CHST11: variants seen among roughly 807,000 people sequenced by gnomAD.
CHST11 encodes carbohydrate sulfotransferase 11.
In CHST11, 9 loss-of-function variants were observed where a neutral mutation model predicts 30.4. The ratio of observed to expected loss-of-function variants is 0.30; its 90% CI spans 0.18 to 0.52. The LOEUF is 0.52. Among genes scored for constraint, CHST11 ranks in the 20% least tolerant of loss-of-function variants. CHST11 has a pLI of 0.97. For synonymous variants in CHST11, 152 were observed against 187.8 expected (o/e 0.81, Z 1.56); for missense variants, 348 against 460.6 (o/e 0.76, Z 2.24).
rs139708541 is a variant in CHST11 at position 104,611,309 on chromosome 12, C to T, written c.204+9318C>T. On this transcript the variant is annotated intron_variant, in intron 2 of 2. Coordinates refer to ENST00000303694, the MANE Select transcript of CHST11 (RefSeq NM_018413.6). The stretch of plus-strand genomic sequence containing the variant: ...TGATGTGTATTTGATACCTACAGCA[C>T]ATCTCCATTGGGACAGGCAGTACAT... 7.9e-3 allele frequency among the ~76,000 whole-genome samples: 1,204 copies of T among 152,302 alleles called. 23 individuals carry two copies. Among genetic ancestry groups the T allele is most frequent in the African/African-American group, 0.027 (1,125 of 41,558 alleles).
At chr12:104,603,002 G>A (rs2038971672) in intron 2 of CHST11, among the ~76,000 whole-genome samples, 1 of 152,136 alleles carries the variant, frequency 6.6e-6, no homozygotes, top group Admixed American at 6.5e-5. Flanking sequence ...ATCATGGGTG[G>A]CCTAATTAGG....
At chr12:104,554,216 G>T (rs943024530) in intron 1 of CHST11, among the ~76,000 whole-genome samples, 1 of 152,158 alleles carries the variant, frequency 6.6e-6, no homozygotes, top group Non-Finnish European at 1.5e-5. Flanking sequence ...CATTACACAG[G>T]CTGTGAATAC....
chr12:104,682,988 C>T lies in CHST11; in HGVS notation c.205-73961C>T, dbSNP rs1055500345. ...TAGGGGTAAACTGTACTTATCTTCA[C>T]GGGAGTGTTATGCATTCAAAGACAA... On this transcript the variant is annotated intron_variant, in intron 2 of 2. Coordinates refer to ENST00000303694, the MANE Select transcript of CHST11 (RefSeq NM_018413.6). 3.3e-5 allele frequency among the ~76,000 whole-genome samples: 5 copies of T among 152,150 alleles called. No homozygotes were observed. The East Asian group carries it at 7.7e-4, about 23-fold the overall frequency.
chr12:104,484,318 A>G (rs944616469), intron 1 of CHST11, among the ~76,000 whole-genome samples: 2 of 152,192 alleles, frequency 1.3e-5, no homozygotes, highest in Non-Finnish European at 2.9e-5. Context: ...TCACATTAAC[A>G]TACTCAGTGC....
intron 1 of CHST11, among the ~76,000 whole-genome samples, chr12:104,525,702 A>G (rs931811485): frequency 2.0e-5 from 3 of 152,204 alleles, no homozygotes; most frequent in African/African-American, 7.2e-5. Flanking sequence ...GATTATTTTT[A>G]AGGGCAAAGA....
intron 1 of CHST11, among the ~76,000 whole-genome samples, chr12:104,524,154 C>T (rs2038101295): frequency 6.6e-6 from 1 of 151,742 alleles, no homozygotes; most frequent in Non-Finnish European, 1.5e-5. Flanking sequence ...TGTTGCTTCC[C>T]ACCACAGTGA....
intron 1 of CHST11, among the ~76,000 whole-genome samples, chr12:104,569,257 A>C (rs1438013694): frequency 6.6e-6 from 1 of 152,224 alleles, no homozygotes; most frequent in Non-Finnish European, 1.5e-5. Context: ...CTAGGAATAG[A>C]GAACCCTCCT....
intron 1 of CHST11, among the ~76,000 whole-genome samples, chr12:104,526,554 G>C (rs1231370519): frequency 1.3e-5 from 2 of 152,186 alleles, no homozygotes; most frequent in South Asian, 4.1e-4. Flanking sequence ...TGGGCTTCCT[G>C]CTGGGGCTTT....
At chr12:104,462,329 T>C (rs764897654) in intron 1 of CHST11, among the ~76,000 whole-genome samples, 61 of 151,302 alleles carry the variant, frequency 4.0e-4, no homozygotes, top group South Asian at 8.3e-4. Flanking sequence ...TTCTCAACTA[T>C]GCAAAATGCA....
chr12:104,547,695 A>C (rs886299048), intron 1 of CHST11, among the ~76,000 whole-genome samples: 1 of 152,214 alleles, frequency 6.6e-6, no homozygotes, highest in Non-Finnish European at 1.5e-5. Context: ...TTGGGTTTAT[A>C]TTCTGGCTAC....
intron 1 of CHST11, among the ~76,000 whole-genome samples, chr12:104,457,807 TC>T (rs1254024412): frequency 1.1e-4 from 16 of 144,844 alleles, no homozygotes; most frequent in South Asian, 2.3e-4. Flanking sequence ...TTTTTTTTCT[TC>T]TTCTTTTTTT....
chr12:104,571,497 G>A (rs1038177737), intron 1 of CHST11, among the ~76,000 whole-genome samples: 6 of 152,198 alleles, frequency 3.9e-5, no homozygotes, highest in Non-Finnish European at 7.3e-5. Context: ...TTGACTGAAC[G>A]CCTCCAGCGT....
chr12:104,709,041 C>T (rs890884332), intron 2 of CHST11, among the ~76,000 whole-genome samples: 16 of 152,098 alleles, frequency 1.1e-4, no homozygotes, highest in African/African-American at 3.4e-4. Flanking sequence ...ATAGGGCACC[C>T]GGGATGAGGA....
At chr12:104,607,156 C>T (rs896326847) in intron 2 of CHST11, among the ~76,000 whole-genome samples, 2 of 152,086 alleles carry the variant, frequency 1.3e-5, no homozygotes, top group African/African-American at 2.4e-5. Flanking sequence ...GAAGGACAGG[C>T]CTTTGACTCC....
chr12:104,537,598 G>A (rs2038248929), intron 1 of CHST11, among the ~76,000 whole-genome samples: 1 of 151,396 alleles, frequency 6.6e-6, no homozygotes. Context: ...CCCTTTTAAT[G>A]TATTTTTAAT....
chr12:104,529,766 C>T (rs564687664), intron 1 of CHST11, among the ~76,000 whole-genome samples: 1 of 152,312 alleles, frequency 6.6e-6, no homozygotes, highest in South Asian at 2.1e-4. Flanking sequence ...TTACTCACAA[C>T]ACTGTCTCAT....
intron 2 of CHST11, among the ~76,000 whole-genome samples, chr12:104,610,579 C>T (rs2039050692): frequency 6.6e-6 from 1 of 152,186 alleles, no homozygotes; most frequent in African/African-American, 2.4e-5. Context: ...TATAAGAGGC[C>T]TCCACATAAT....
chr12:104,491,005 C>T (rs1305258909), intron 1 of CHST11, among the ~76,000 whole-genome samples: 1 of 147,782 alleles, frequency 6.8e-6, no homozygotes, highest in African/African-American at 2.5e-5. Context: ...TGCTGGGTGG[C>T]AGGGGAGGTC....
At chr12:104,563,131 C>T (rs982289508) in intron 1 of CHST11, among the ~76,000 whole-genome samples, 30 of 152,124 alleles carry the variant, frequency 2.0e-4, no homozygotes, top group African/African-American at 6.0e-4. Flanking sequence ...CCTCCGTCCC[C>T]CCGGGTTCAA....
Sources: allele counts gnomAD v4.1 joint callset (sites outside exome capture counted in the v4.1 genomes callset), GRCh38; gene constraint gnomAD v4.1.1; transcripts MANE v1.5; gene names NCBI Gene and HGNC (gene_info 2026-07-23, HGNC 2026-07-21).